The following CTTNBP2 variants were observed in gnomAD, a reference collection of about 807,000 sequenced individuals.
The protein encoded by CTTNBP2 is cortactin-binding protein 2.
In CTTNBP2, 108 loss-of-function variants were observed where a neutral mutation model predicts 156.9. The ratio of observed to expected loss-of-function variants is 0.69; its 90% CI spans 0.59 to 0.81. CTTNBP2 has a LOEUF of 0.81. Ranked by LOEUF, CTTNBP2 falls within the 30% of genes least tolerant of loss-of-function variation. The pLI, the probability that CTTNBP2 is intolerant of heterozygous loss-of-function variation, is 0.00. For synonymous variants in CTTNBP2, 767 were observed against 751.8 expected, an observed-to-expected ratio of 1.02 and a Z score of -0.33; for missense variants, 1,924 against 2,035.4, an observed-to-expected ratio of 0.95 and a Z score of 1.05.
intron 1 of CTTNBP2, among the ~76,000 whole-genome samples, chr7:117,872,587 A>G (rs904071834): frequency 1.3e-5 from 2 of 152,162 alleles, no homozygotes; most frequent in Non-Finnish European, 2.9e-5. Flanking sequence ...CAAGAATGGT[A>G]GCGCATTCGG....
intron 8 of CTTNBP2, among the ~76,000 whole-genome samples, chr7:117,772,199 G>T (rs34276244): frequency 0.019 from 2,923 of 152,314 alleles, 42 homozygotes; most frequent in Middle Eastern, 0.054. Context: ...GGGAAGCAGA[G>T]AGACCGAACA....
intron 2 of CTTNBP2, among the ~76,000 whole-genome samples, chr7:117,811,323 C>A (rs1403251981): frequency 6.6e-6 from 1 of 151,944 alleles, no homozygotes; most frequent in African/African-American, 2.4e-5. Context: ...CCCCGCCCAA[C>A]AGGGTCTTGC....
At chr7:117,803,194 G>A (rs756123692) in intron 3 of CTTNBP2, among the ~76,000 whole-genome samples, 16 of 152,118 alleles carry the variant, frequency 1.1e-4, no homozygotes, top group African/African-American at 3.4e-4. Context: ...TACGCCATAC[G>A]TATACACATA....
At chr7:117,724,171 C>A (rs922914228) in intron 19 of CTTNBP2, among the ~76,000 whole-genome samples, 9 of 151,982 alleles carry the variant, frequency 5.9e-5, no homozygotes, top group African/African-American at 1.9e-4. Context: ...TGTCTCTACA[C>A]ATATTTTTTT....
At chr7:117,741,125 G>A (rs1360918268) in intron 14 of CTTNBP2, among the ~76,000 whole-genome samples, 1 of 152,192 alleles carries the variant, frequency 6.6e-6, no homozygotes, top group African/African-American at 2.4e-5. Flanking sequence ...GAGGGCCCAT[G>A]GAGGGAGTGA....
Position 117,734,923 on chromosome 7 carries a change from A to T in CTTNBP2, c.3866T>A (p.Val1289Asp). 1 of 1,592,638 alleles carries T rather than the reference A, an allele frequency of 6.3e-7. No homozygotes were observed. Among genetic ancestry groups the T allele is most frequent in the Non-Finnish European group, 8.6e-7 (1 of 1,165,718 alleles). Reference protein sequence around the residue: ...GLLQRFLRRKVVNKFKGQAPS... With the variant: ...GLLQRFLRRKDVNKFKGQAPS... ...CTTGCTGTTTGTTACCTTATTCACA[A>T]CTTTCCTTCGTAAGAACCTCTGCAG... Residue 1289 changes from valine (V) to aspartate (D), a missense_variant, in exon 16 of 23, where the codon GTT becomes GAT. Physicochemically the swap from Val to Asp is radical, Grantham distance 152. Coordinates refer to ENST00000160373, the MANE Select transcript of CTTNBP2 (RefSeq NM_033427.3).
chr7:117,867,983 G>A (rs1804324566), intron 1 of CTTNBP2, among the ~76,000 whole-genome samples: 1 of 152,192 alleles, frequency 6.6e-6, no homozygotes, highest in Non-Finnish European at 1.5e-5. Flanking sequence ...CAGAAAAGTG[G>A]CTCAGGGGTG....
Position 117,735,034 on chromosome 7 carries a change from G to C in CTTNBP2, c.3755C>G (p.Ala1252Gly). Reference sequence around the variant, plus strand: ...CAGCAAGTCGGAGCCCTGGAGACAGGCCTTGGCGATGGTTCCCATCAGAAA... The same window carrying C: ...CAGCAAGTCGGAGCCCTGGAGACAGCCCTTGGCGATGGTTCCCATCAGAAA... The part of the protein sequence containing the change: ...NCFLMGTIAK[A>G]CLQGSDLLVQ... Residue 1252 changes from alanine (A) to glycine (G), a missense_variant, in exon 16 of 23, where the codon GCC (alanine) becomes GGC (glycine). Physicochemically the swap from Ala to Gly is moderately conservative, Grantham distance 60. Transcript: ENST00000160373. The C allele has an allele frequency of 6.2e-7, 1 of 1,614,218 alleles. No homozygotes were observed.
At chr7:117,800,632 A>G (rs1167245980) in intron 3 of CTTNBP2, among the ~76,000 whole-genome samples, 3 of 152,118 alleles carry the variant, frequency 2.0e-5, no homozygotes, top group Non-Finnish European at 4.4e-5. Flanking sequence ...ATGAGTAAAT[A>G]TACTGAAGTA....
Position 117,842,251 on chromosome 7 carries a change from A to G in CTTNBP2, c.189+18958T>C, listed in dbSNP as rs563109048. Among the ~76,000 whole-genome samples the G allele has an allele frequency of 3.9e-5, 6 of 152,308 alleles. No individual in the cohort carries two copies. The East Asian group carries it at 1.2e-3, about 29-fold the overall frequency. The stretch of plus-strand genomic sequence containing the variant: ...GTTTCACTCTTGTTGCCTAGGCTGG[A>G]GTGCAATGGTGCGATCCCGGCTCAC... On this transcript the variant is annotated intron_variant, in intron 2 of 22. Coordinates refer to ENST00000160373, the MANE Select transcript of CTTNBP2 (RefSeq NM_033427.3).
At chr7:117,840,955 A>T (rs1360280889) in intron 2 of CTTNBP2, among the ~76,000 whole-genome samples, 1 of 152,216 alleles carries the variant, frequency 6.6e-6, no homozygotes, top group Non-Finnish European at 1.5e-5. Flanking sequence ...TTAAAAACAC[A>T]TAGAGATTTT....
intron 3 of CTTNBP2, among the ~76,000 whole-genome samples, chr7:117,808,138 G>A (rs1333300011): frequency 6.6e-6 from 1 of 152,102 alleles, no homozygotes; most frequent in African/African-American, 2.4e-5. Flanking sequence ...CAGATTCAAA[G>A]TTCTGATCAA....
At position 117,780,400 on chromosome 7, in the gene CTTNBP2, A is replaced by C. The variant is rs776740646; in HGVS notation, c.2523+41T>G. The C allele has an allele frequency of 3.0e-6, 4 of 1,348,970 alleles. No homozygotes were observed. In the African/African-American group the frequency reaches 6.0e-5, roughly 20 times the overall value. 83.6% of individuals were successfully genotyped at this position (1,348,970 alleles called of 1,614,324 possible). On this transcript the variant is annotated intron_variant, in intron 7 of 22. Coordinates refer to ENST00000160373, the MANE Select transcript of CTTNBP2 (RefSeq NM_033427.3). ...GTTATAGAGTTTACAAATATATTGC[A>C]AATTATATATACAGGGGGAAAAAAA...
At chr7:117,727,583 A>C (rs1363146437) in intron 17 of CTTNBP2, among the ~76,000 whole-genome samples, 2 of 152,244 alleles carry the variant, frequency 1.3e-5, no homozygotes, top group Non-Finnish European at 2.9e-5. Context: ...TGCTGGTCAC[A>C]GAACCATTAC....
chr7:117,791,225 G>A lies in CTTNBP2; in HGVS notation c.1971C>T (p.Val657=). The change falls in exon 4 of 23, where the codon GTC becomes GTT. Residue 657 remains valine (V), a synonymous_variant. Transcript: ENST00000160373. ...NQPACSDSSL[V]IPTTIAFCSS... ...AGCAAAAGGCAATGGTGGTAGGAAT[G>A]ACAAGGGAACTGTCTGAACATGCAG... 2 of 1,614,190 alleles carry A rather than the reference G, an allele frequency of 1.2e-6. No individual in the cohort carries two copies. Among genetic ancestry groups the A allele is most frequent in the Non-Finnish European group, 1.7e-6 (2 of 1,180,020 alleles).
At chr7:117,816,648 T>G (rs1584480348) in intron 2 of CTTNBP2, among the ~76,000 whole-genome samples, 1 of 152,208 alleles carries the variant, frequency 6.6e-6, no homozygotes, top group East Asian at 1.9e-4. Context: ...TCAGTTTACC[T>G]GCTTTTCAAC....
intron 2 of CTTNBP2, among the ~76,000 whole-genome samples, chr7:117,857,996 C>T (rs565931462): frequency 2.6e-5 from 4 of 152,258 alleles, no homozygotes; most frequent in Admixed American, 2.0e-4. Flanking sequence ...TATGTGAAGA[C>T]GACATTATTA....
chr7:117,718,188 A>ATGGTGGAGAAATCACAGCAGAAGT, intron 21 of CTTNBP2, 69 bp from the exon 22 acceptor site: 1 of 911,680 alleles, frequency 1.1e-6, no homozygotes, highest in Non-Finnish European at 1.8e-6. Flanking sequence ...GCACAGCTAA[A>ATGGTGGAGAAATCACAGCAGAAGT]TGGTGGAGAA....
chr7:117,794,159 T>A lies in CTTNBP2; in HGVS notation c.415-1378A>T, dbSNP rs532655158. Among the ~76,000 whole-genome samples the A allele has an allele frequency of 2.5e-4, 38 of 152,352 alleles. 1 individual carries two copies. The highest frequency in any genetic ancestry group is 3.4e-3 in the Middle Eastern group (1 of 294). On this transcript the variant is annotated intron_variant, in intron 3 of 22. Coordinates refer to ENST00000160373, the MANE Select transcript of CTTNBP2 (RefSeq NM_033427.3). ...ACTGATAACAATCAACTTCCGTTACTGATGGGCTTTCTGGCTAAGTGGGCA... is the reference window on the plus strand; with the variant it reads ...ACTGATAACAATCAACTTCCGTTACAGATGGGCTTTCTGGCTAAGTGGGCA...
Sources: allele counts gnomAD v4.1 joint callset (sites outside exome capture counted in the v4.1 genomes callset), GRCh38; gene constraint gnomAD v4.1.1; transcripts MANE v1.5; gene names NCBI Gene and HGNC (gene_info 2026-07-23, HGNC 2026-07-21).